The following NLRP11 variants were observed in gnomAD, a reference collection of about 807,000 sequenced individuals.
NLRP11 encodes the protein NLR family pyrin domain containing 11, also known as NACHT, LRR and PYD domains-containing protein 11.
A neutral mutation model predicts 79.3 loss-of-function variants in NLRP11; 53 were observed. The ratio of observed to expected loss-of-function variants is 0.67; its 90% CI spans 0.54 to 0.84. NLRP11 has a LOEUF of 0.84. Among genes scored for constraint, NLRP11 ranks in the 40% least tolerant of loss-of-function variants. NLRP11 has a pLI of 0.00. For missense variants in NLRP11, 1,264 were observed against 1,255.0 expected (o/e 1.01, Z -0.11); for synonymous variants, 518 against 462.6 (o/e 1.12, Z -1.54).
At chr19:55,801,050 A>T (rs1979426296) in intron 5 of NLRP11, 1 of 153,156 alleles carries the variant, frequency 6.5e-6, no homozygotes, top group African/African-American at 2.4e-5. Flanking sequence ...ATGGTGGCAC[A>T]TACCTGAAAT....
intron 5 of NLRP11, 51 bp from the exon 6 acceptor site, chr19:55,796,301 CCT>C (rs767726625): frequency 1.7e-5 from 24 of 1,431,474 alleles, no homozygotes; most frequent in Admixed American, 1.1e-4. Context: ...TAAGCTATCC[CCT>C]CTTTTAAATT....
At chr19:55,821,902 A>G (rs957724846) in intron 1 of NLRP11, among the ~76,000 whole-genome samples, 5 of 152,246 alleles carry the variant, frequency 3.3e-5, no homozygotes, top group Admixed American at 3.3e-4. Flanking sequence ...CTCTGTATCC[A>G]TAATTGACAC....
chr19:55,833,765 C>CAAA (rs71182919), upstream of NLRP11, among the ~76,000 whole-genome samples: 66 of 23,488 alleles, frequency 2.8e-3, 7 homozygotes, highest in African/African-American at 7.7e-3. Context: ...GACTCCGTCT[C>CAAA]AAAAAAAAAA....
At chr19:55,813,546 C>T (rs1329018034) in intron 2 of NLRP11, among the ~76,000 whole-genome samples, 1 of 152,070 alleles carries the variant, frequency 6.6e-6, no homozygotes, top group Non-Finnish European at 1.5e-5. Context: ...ATATGTCGAG[C>T]CATCCCAGAA....
chr19:55,804,226 G>A (rs918855073), intron 4 of NLRP11, among the ~76,000 whole-genome samples: 2 of 152,124 alleles, frequency 1.3e-5, no homozygotes, highest in African/African-American at 4.8e-5. Flanking sequence ...AGAGCTAAAA[G>A]CAGAACTACC....
At chr19:55,811,766 A>G (rs992211584) in intron 2 of NLRP11, among the ~76,000 whole-genome samples, 4 of 152,226 alleles carry the variant, frequency 2.6e-5, no homozygotes, top group Admixed American at 2.6e-4. Context: ...ATCAAGAAAA[A>G]AAAATCTTTG....
intron 1 of NLRP11, among the ~76,000 whole-genome samples, chr19:55,827,897 C>T (rs1450070366): frequency 6.6e-6 from 1 of 151,382 alleles, no homozygotes; most frequent in Non-Finnish European, 1.5e-5. Context: ...ACCATTTGAC[C>T]CAGCCATCCC....
chr19:55,810,056 T>G (rs1339361101), exon 3 of NLRP11: 2 of 1,613,938 alleles, frequency 1.2e-6, no homozygotes, highest in African/African-American at 2.7e-5. Context: ...AGCAGTGAGG[T>G]GAACGACGTA....
intron 3 of NLRP11, 82 bp downstream of exon 3, chr19:55,808,686 TG>T (rs1414038760): frequency 7.8e-7 from 1 of 1,279,144 alleles, no homozygotes; most frequent in Non-Finnish European, 1.1e-6. Flanking sequence ...GCCCCGAGTT[TG>T]TCTTGTTCTG....
chr19:55,796,665 T>A (rs758179288), intron 5 of NLRP11, among the ~76,000 whole-genome samples: 4 of 151,870 alleles, frequency 2.6e-5, no homozygotes, highest in Admixed American at 6.6e-5. Flanking sequence ...GTGCCCCACA[T>A]GCTCTGGCTC....
chr19:55,803,425 C>T (rs950073373), intron 4 of NLRP11, among the ~76,000 whole-genome samples: 4 of 152,054 alleles, frequency 2.6e-5, no homozygotes, highest in Non-Finnish European at 5.9e-5. Context: ...CATGAAGATA[C>T]CAAGAACAAT....
upstream of NLRP11, chr19:55,832,778 A>G (rs1330315860): frequency 6.6e-6 from 1 of 152,224 alleles, no homozygotes; most frequent in East Asian, 1.9e-4. Context: ...CAAAAAAGCA[A>G]GAGCAAACAA....
intron 6 of NLRP11, among the ~76,000 whole-genome samples, chr19:55,795,412 C>T (rs1978734215): frequency 6.6e-6 from 1 of 152,200 alleles, no homozygotes; most frequent in African/African-American, 2.4e-5. Context: ...ACTGTGAGAA[C>T]AATATAGGTT....
chr19:55,787,712 T>G (rs1989968232), intron 9 of NLRP11, among the ~76,000 whole-genome samples: 1 of 152,212 alleles, frequency 6.6e-6, no homozygotes, highest in Non-Finnish European at 1.5e-5. Context: ...TTGCTACTTC[T>G]GCCTTGCTAA....
chr19:55,796,422 C>T (rs1282895402), intron 5 of NLRP11, among the ~76,000 whole-genome samples, 172 bp from the exon 6 acceptor site: 2 of 151,952 alleles, frequency 1.3e-5, no homozygotes, highest in Non-Finnish European at 2.9e-5. Context: ...CCTCAGAGTT[C>T]AAATTTGGGC....
chr19:55,827,229 T>G (rs1442087775), intron 1 of NLRP11, among the ~76,000 whole-genome samples: 2 of 140,708 alleles, frequency 1.4e-5, no homozygotes, highest in Non-Finnish European at 3.0e-5. Flanking sequence ...AAGCTGAAAC[T>G]GGATCCCTTC....
intron 2 of NLRP11, among the ~76,000 whole-genome samples, chr19:55,815,093 ACAG>A (rs1980967663): frequency 1.0e-5 from 1 of 95,812 alleles, no homozygotes; most frequent in African/African-American, 8.9e-5. Context: ...GAGAACATAG[ACAG>A]AAAGATCAAA....
intron 2 of NLRP11, among the ~76,000 whole-genome samples, chr19:55,810,560 G>A (rs556005180): frequency 4.6e-5 from 7 of 152,144 alleles, no homozygotes; most frequent in African/African-American, 7.2e-5. Context: ...GCAGTGGCAC[G>A]AACTGGGCTC....
chr19:55,797,626 T>C (rs1215287564), intron 5 of NLRP11, among the ~76,000 whole-genome samples: 1 of 152,214 alleles, frequency 6.6e-6, no homozygotes, highest in African/African-American at 2.4e-5. Flanking sequence ...GGATGTATTC[T>C]ACTTCCTTAT....
Sources: allele counts gnomAD v4.1 joint callset (sites outside exome capture counted in the v4.1 genomes callset), GRCh38; gene constraint gnomAD v4.1.1; transcripts MANE v1.5; gene names NCBI Gene and HGNC (gene_info 2026-07-23, HGNC 2026-07-21).